The following RGS7 variants were observed in gnomAD, a reference collection of about 807,000 sequenced individuals.
RGS7 encodes the protein regulator of G protein signaling 7.
RGS7 carries 27 observed loss-of-function variants against 81.1 expected under a neutral mutation model. That is an observed-to-expected ratio of 0.33 (90% CI 0.25 to 0.46). RGS7 has a LOEUF of 0.46. Ranked by LOEUF, RGS7 falls within the 20% of genes least tolerant of loss-of-function variation. The probability of loss-of-function intolerance (pLI) is 1.00; values close to 1 mark genes in which losing one functional copy is unlikely to be tolerated. For missense variants in RGS7, 396 were observed against 607.4 expected, an observed-to-expected ratio of 0.65 and a Z score of 3.66; for synonymous variants, 208 against 207.7, an observed-to-expected ratio of 1.00 and a Z score of -0.01.
chr1:240,834,579 C>T lies in RGS7; in HGVS notation c.610-7407G>A, dbSNP rs557252516. Among the ~76,000 whole-genome samples the T allele has an allele frequency of 7.9e-5, 12 of 152,270 alleles. No homozygotes were observed. The South Asian group carries it at 2.5e-3, about 32-fold the overall frequency. On this transcript the variant is annotated intron_variant, in intron 9 of 18. Coordinates refer to ENST00000440928, the MANE Select transcript of RGS7 (RefSeq NM_001364886.1). ...AGACTGGAGTGCAGGGGCGTGACCT[C>T]GGCTCACTGCAAGCTCCGCCTCCCG...
intron 4 of RGS7, among the ~76,000 whole-genome samples, chr1:240,966,396 T>C (rs1682302537): frequency 3.3e-5 from 5 of 152,172 alleles, no homozygotes; most frequent in Admixed American, 3.3e-4. Context: ...ATTTGTCTCT[T>C]TATGATTTGT....
rs756086176 is a variant in RGS7, at chr1:241,341,867, ACT to A, written c.78+13830_78+13831del. Among the ~76,000 whole-genome samples the A allele has an allele frequency of 1.0e-3, 133 of 132,172 alleles. 1 individual carries two copies. The highest frequency in any genetic ancestry group is 1.4e-3 in the Non-Finnish European group (90 of 63,416). The allele number at this position is 132,172 out of a possible 152,430, so 86.7% of individuals were successfully genotyped here. ...CACAGGTACAAGTAGACACTCTTCA[ACT>A]CTTTTTTTTTTTTTTTTTTTTTTTT... On this transcript the variant is annotated intron_variant, in intron 2 of 18. Coordinates refer to ENST00000440928, the MANE Select transcript of RGS7 (RefSeq NM_001364886.1).
intron 17 of RGS7, 105 bp from the exon 18 acceptor site, chr1:240,800,826 T>C (rs1687909095): frequency 5.3e-6 from 3 of 561,720 alleles, no homozygotes; most frequent in Admixed American, 3.4e-5. Flanking sequence ...CAAACAAATA[T>C]ATATCATCAA....
At chr1:240,800,791 G>A in intron 17 of RGS7, 70 bp from the exon 18 acceptor site, 3 of 811,254 alleles carry the variant, frequency 3.7e-6, no homozygotes, top group Admixed American at 5.5e-5. Flanking sequence ...AAAGGCACTG[G>A]CACAATACAA....
At chr1:241,039,178 C>A (rs900592836) in intron 3 of RGS7, among the ~76,000 whole-genome samples, 1 of 152,134 alleles carries the variant, frequency 6.6e-6, no homozygotes, top group Non-Finnish European at 1.5e-5. Flanking sequence ...CAGCAAGAAT[C>A]TGTAGTTGCA....
At position 240,816,406 on chromosome 1, in the gene RGS7, C is replaced by T. The variant is rs1228547642; in HGVS notation, c.694G>A (p.Gly232Ser). 1.3e-6 allele frequency: 2 copies of T among 1,582,106 alleles called. No homozygotes were observed. The highest frequency in any genetic ancestry group is 1.3e-5 in the African/African-American group (1 of 74,338). Reference sequence around the variant, plus strand: ...TGACTTCTAATATCATTTTGTAAACCATAGACAGACTATATTAAAATAAAA... The same window carrying T: ...TGACTTCTAATATCATTTTGTAAACTATAGACAGACTATATTAAAATAAAA... ...NPHKTRKSVYGLQNDIRSHSP... is the reference protein window; with the variant it reads ...NPHKTRKSVYSLQNDIRSHSP... Residue 232 changes from glycine to serine, a missense_variant, in exon 11 of 19, where the codon GGT becomes AGT. By Grantham distance (56) the Gly-to-Ser change is moderately conservative. Coordinates refer to ENST00000440928, the MANE Select transcript of RGS7 (RefSeq NM_001364886.1).
At chr1:240,960,119 T>C (rs1171649341) in intron 4 of RGS7, among the ~76,000 whole-genome samples, 4 of 150,254 alleles carry the variant, frequency 2.7e-5, no homozygotes, top group Non-Finnish European at 5.9e-5. Flanking sequence ...ACAGCCCTCC[T>C]GCCTGGGTGA....
intron 6 of RGS7, among the ~76,000 whole-genome samples, chr1:240,916,007 A>G (rs78327733): frequency 0.028 from 4,301 of 151,852 alleles, 80 homozygotes; most frequent in Non-Finnish European, 0.043. Context: ...CTCATGCTGT[A>G]ATCCCAGCAC....
intron 2 of RGS7, among the ~76,000 whole-genome samples, chr1:241,178,457 A>G (rs2103296286): frequency 6.6e-6 from 1 of 152,310 alleles, no homozygotes; most frequent in South Asian, 2.1e-4. Context: ...AACATAGAGA[A>G]ACAACCAGGG....
At chr1:240,880,651 G>A (rs533288317) in intron 6 of RGS7, among the ~76,000 whole-genome samples, 1 of 152,096 alleles carries the variant, frequency 6.6e-6, no homozygotes, top group East Asian at 1.9e-4. Context: ...TCCAAGATGG[G>A]GAAAGCCTTT....
intron 4 of RGS7, among the ~76,000 whole-genome samples, chr1:240,946,983 C>T (rs1405546793): frequency 6.6e-6 from 1 of 152,066 alleles, no homozygotes; most frequent in Non-Finnish European, 1.5e-5. Flanking sequence ...CACATCATAC[C>T]TTATAAATAT....
At chr1:241,296,940 T>A (rs1199816257) in intron 2 of RGS7, among the ~76,000 whole-genome samples, 3 of 152,184 alleles carry the variant, frequency 2.0e-5, no homozygotes, top group African/African-American at 2.4e-5. Context: ...TGGGTTTTTT[T>A]TTTTTAAGTC....
intron 3 of RGS7, among the ~76,000 whole-genome samples, chr1:240,997,264 A>T (rs1687434482): frequency 6.6e-6 from 1 of 152,148 alleles, no homozygotes; most frequent in Non-Finnish European, 1.5e-5. Context: ...TACAGGTGTC[A>T]GCCACCGCAC....
At chr1:241,319,953 T>C (rs1400967861) in intron 2 of RGS7, among the ~76,000 whole-genome samples, 2 of 151,978 alleles carry the variant, frequency 1.3e-5, no homozygotes, top group Non-Finnish European at 2.9e-5. Flanking sequence ...TAGCTGGGCC[T>C]GGTGGTGTGC....
At chr1:240,955,454 T>A (rs1676927) in intron 4 of RGS7, among the ~76,000 whole-genome samples, 131,712 of 151,380 alleles carry the variant, frequency 0.87, 57,433 homozygotes, top group Admixed American at 0.93. Flanking sequence ...TGGGAGTCTG[T>A]GGCAGGAGAA....
chr1:240,960,575 GTCT>G (rs1397489052), intron 4 of RGS7, among the ~76,000 whole-genome samples: 1 of 123,940 alleles, frequency 8.1e-6, no homozygotes, highest in African/African-American at 3.1e-5. Context: ...TTTCCCAGAA[GTCT>G]TTGAATCCAA....
At position 241,189,018 on chromosome 1, in the gene RGS7, A is replaced by C. The variant is rs577197410; in HGVS notation, c.79-90256T>G. ...GAGACAGGGTCTCACTCTGTTGCTC[A>C]GGCTGGTGTTCAGTGGTGCAGTCAT... On this transcript the variant is annotated intron_variant, in intron 2 of 18. Transcript: ENST00000440928. Among the ~76,000 whole-genome samples the C allele has an allele frequency of 1.8e-4, 28 of 152,224 alleles. No homozygotes were observed. In the East Asian group the frequency reaches 3.1e-3, roughly 17 times the overall value.
At chr1:241,355,106 G>A (rs926360931) in intron 2 of RGS7, among the ~76,000 whole-genome samples, 7 of 152,116 alleles carry the variant, frequency 4.6e-5, no homozygotes, top group Non-Finnish European at 8.8e-5. Flanking sequence ...ATTATTTAAT[G>A]ATTTAATAGG....
intron 2 of RGS7, among the ~76,000 whole-genome samples, chr1:241,126,982 C>A (rs992734757): frequency 6.6e-6 from 1 of 151,902 alleles, no homozygotes; most frequent in Non-Finnish European, 1.5e-5. Context: ...GTGAAAGGTA[C>A]GGTATTAGAT....
Sources: allele counts gnomAD v4.1 joint callset (sites outside exome capture counted in the v4.1 genomes callset), GRCh38; gene constraint gnomAD v4.1.1; transcripts MANE v1.5; gene names NCBI Gene and HGNC (gene_info 2026-07-23, HGNC 2026-07-21).